THSD7B: variants seen among roughly 807,000 people sequenced by gnomAD.
THSD7B encodes the protein thrombospondin type 1 domain containing 7B.
THSD7B carries 138 observed loss-of-function variants against 213.6 expected under a neutral mutation model. The ratio of observed to expected loss-of-function variants is 0.65; its 90% confidence interval spans 0.56 to 0.74. The LOEUF is 0.74. Among genes scored for constraint, THSD7B ranks in the 30% least tolerant of loss-of-function variants. The pLI is 0.00. For synonymous variants in THSD7B, 742 were observed against 687.0 expected, an observed-to-expected ratio of 1.08 and a Z score of -1.25; for missense variants, 1,931 against 1,991.5, an observed-to-expected ratio of 0.97 and a Z score of 0.58.
At chr2:136,780,492 T>G (rs1681720326) in intron 1 of THSD7B, among the ~76,000 whole-genome samples, 1 of 152,192 alleles carries the variant, frequency 6.6e-6, no homozygotes, top group Non-Finnish European at 1.5e-5. Context: ...TATTTTCTCT[T>G]TCTATCTCTG....
intron 26 of THSD7B, among the ~76,000 whole-genome samples, chr2:137,667,357 T>G (rs1250503126): frequency 6.6e-6 from 1 of 152,156 alleles, no homozygotes; most frequent in Non-Finnish European, 1.5e-5. Flanking sequence ...AGAAGAAAAG[T>G]AAAACATTCA....
intron 20 of THSD7B, among the ~76,000 whole-genome samples, chr2:137,640,329 C>A (rs1257080731): frequency 1.3e-5 from 2 of 152,182 alleles, no homozygotes; most frequent in Non-Finnish European, 2.9e-5. Context: ...GGTTCTGAGG[C>A]CTCCCCAGCC....
intron 1 of THSD7B, among the ~76,000 whole-genome samples, chr2:136,853,764 T>A (rs1285201413): frequency 2.0e-5 from 3 of 152,230 alleles, no homozygotes; most frequent in Non-Finnish European, 4.4e-5. Flanking sequence ...TTTTTACATT[T>A]GCAGATTAGC....
chr2:137,033,766 T>C (rs1251082608), intron 2 of THSD7B, among the ~76,000 whole-genome samples: 1 of 151,912 alleles, frequency 6.6e-6, no homozygotes, highest in African/African-American at 2.4e-5. Flanking sequence ...GTGCGCACCA[T>C]CACACCCAGC....
intron 5 of THSD7B, among the ~76,000 whole-genome samples, chr2:137,116,629 C>G (rs10172690): frequency 0.72 from 108,929 of 152,108 alleles, 40,291 homozygotes; most frequent in Non-Finnish European, 0.8. Flanking sequence ...TCTTTCTAAA[C>G]TTTCTTTTGT....
rs374683123 is a variant in THSD7B, at chr2:137,094,884, A to G, written c.962A>G (p.Gln321Arg). Reference sequence around the variant, plus strand: ...TCTGTTTTTTTCAGCCTTTGCCTTCAAGATTCCTTCCCATTGACTGTTCAG... The same window carrying G: ...TCTGTTTTTTTCAGCCTTTGCCTTCGAGATTCCTTCCCATTGACTGTTCAG... ...GQNAMLSLCLQDSFPLTVQSC... is the reference protein window; with the variant it reads ...GQNAMLSLCLRDSFPLTVQSC... The change falls in exon 4 of 28, where the codon CAA becomes CGA. Residue 321 changes from glutamine (Q) to arginine (R), a missense_variant. Transcript: ENST00000409968. 9.3e-6 allele frequency: 15 copies of G among 1,611,536 alleles called. No individual in the cohort carries two copies. In the African/African-American group the frequency reaches 2.0e-4, roughly 22 times the overall value.
intron 12 of THSD7B, among the ~76,000 whole-genome samples, chr2:137,338,080 C>T (rs780668597): frequency 6.6e-6 from 1 of 152,072 alleles, no homozygotes; most frequent in Non-Finnish European, 1.5e-5. Flanking sequence ...ACTTATCCTT[C>T]AATCCGTTGC....
intron 14 of THSD7B, among the ~76,000 whole-genome samples, chr2:137,443,660 A>C (rs979877889): frequency 1.3e-5 from 2 of 152,046 alleles, no homozygotes; most frequent in African/African-American, 4.8e-5. Flanking sequence ...TCTGAGTTTG[A>C]GTTCCCGTTC....
chr2:137,532,895 G>C (rs1680425783), intron 15 of THSD7B, among the ~76,000 whole-genome samples: 1 of 151,202 alleles, frequency 6.6e-6, no homozygotes, highest in Non-Finnish European at 1.5e-5. Context: ...GTGGCTATAT[G>C]CATATATATG....
intron 1 of THSD7B, among the ~76,000 whole-genome samples, chr2:136,827,501 T>C (rs1414418987): frequency 6.6e-6 from 1 of 152,156 alleles, no homozygotes; most frequent in Non-Finnish European, 1.5e-5. Context: ...AATAACCCAG[T>C]GTCTCTCAGA....
intron 10 of THSD7B, among the ~76,000 whole-genome samples, chr2:137,269,613 A>G (rs1166688266): frequency 6.6e-6 from 1 of 152,226 alleles, no homozygotes; most frequent in African/African-American, 2.4e-5. Flanking sequence ...CTGAGGCTAA[A>G]TAGTACAGTA....
chr2:136,831,948 A>T lies in THSD7B; in HGVS notation c.-35-50196A>T, dbSNP rs1038841421. ...TTGCTTTTAGGAAACTCCTGTAATA[A>T]TTGTCCTGCTCATTTGGCACCTAGC... On this transcript the variant is annotated intron_variant, in intron 1 of 27. Coordinates refer to ENST00000409968, the MANE Select transcript of THSD7B (RefSeq NM_001316349.2). 2.0e-5 allele frequency among the ~76,000 whole-genome samples: 3 copies of T among 152,202 alleles called. No individual in the cohort carries two copies. The East Asian group carries it at 5.8e-4, about 29-fold the overall frequency.
chr2:137,118,123 G>C (rs1187841481), intron 5 of THSD7B, among the ~76,000 whole-genome samples: 1 of 152,194 alleles, frequency 6.6e-6, no homozygotes, highest in Non-Finnish European at 1.5e-5. Flanking sequence ...AAAACGTAGA[G>C]AGCTATTTAT....
intron 7 of THSD7B, among the ~76,000 whole-genome samples, chr2:137,222,715 T>C (rs1312772351): frequency 6.6e-6 from 1 of 152,170 alleles, no homozygotes; most frequent in Non-Finnish European, 1.5e-5. Flanking sequence ...GAGACAATAA[T>C]TCTGAAAGTC....
chr2:136,944,186 G>A (rs1490044771), intron 2 of THSD7B, among the ~76,000 whole-genome samples: 6 of 152,134 alleles, frequency 3.9e-5, no homozygotes, highest in Non-Finnish European at 8.8e-5. Context: ...ATTTAGTTGT[G>A]CTGTTTTGAG....
chr2:136,957,458 TTTGA>T (rs1685146467), intron 2 of THSD7B, among the ~76,000 whole-genome samples: 1 of 151,786 alleles, frequency 6.6e-6, no homozygotes. Flanking sequence ...TTTTTCTTGC[TTTGA>T]TTAATTCAAT....
intron 12 of THSD7B, among the ~76,000 whole-genome samples, chr2:137,393,258 C>A (rs1686084981): frequency 6.6e-6 from 1 of 151,552 alleles, no homozygotes; most frequent in Non-Finnish European, 1.5e-5. Flanking sequence ...GCACTGCACC[C>A]ACTAACTCGT....
chr2:137,380,412 T>A (rs1430780128), intron 12 of THSD7B, among the ~76,000 whole-genome samples: 1 of 152,182 alleles, frequency 6.6e-6, no homozygotes, highest in Non-Finnish European at 1.5e-5. Context: ...CTCTCTTCCT[T>A]CTAGCTGTTC....
chr2:136,982,212 A>C (rs1685587482), intron 2 of THSD7B, among the ~76,000 whole-genome samples: 1 of 152,046 alleles, frequency 6.6e-6, no homozygotes, highest in African/African-American at 2.4e-5. Context: ...CAAATTTTAG[A>C]TATTCTTAAA....
Sources: gnomAD v4.1 joint callset for allele counts (sites outside exome capture counted in the v4.1 genomes callset) on GRCh38, gnomAD v4.1.1 for gene constraint, MANE v1.5 for transcripts, NCBI Gene and HGNC (gene_info 2026-07-23, HGNC 2026-07-21) for gene names.